The following ASAP1 variants were observed in gnomAD, a reference collection of about 807,000 sequenced individuals.
ASAP1 encodes arf-GAP with SH3 domain, ANK repeat and PH domain-containing protein 1.
ASAP1 carries 43 observed loss-of-function variants against 145.2 expected under a neutral mutation model. That is an observed-to-expected ratio of 0.30 (90% confidence interval 0.23 to 0.38). The LOEUF (loss-of-function observed/expected upper bound fraction) is 0.38, where lower values mean the gene tolerates loss of function less well. ASAP1 is among the 10% of genes least tolerant of loss of function. The pLI is 1.00. For missense variants in ASAP1, 1,018 were observed against 1,355.3 expected, an observed-to-expected ratio of 0.75 and a Z score of 3.91; for synonymous variants, 546 against 515.5, an observed-to-expected ratio of 1.06 and a Z score of -0.80.
At chr8:130,266,847 G>T (rs1417134443) in intron 3 of ASAP1, among the ~76,000 whole-genome samples, 1 of 152,006 alleles carries the variant, frequency 6.6e-6, no homozygotes, top group Non-Finnish European at 1.5e-5. Flanking sequence ...TAAAAAATAT[G>T]TATCAAAGGA....
At chr8:130,300,197 G>A (rs866060785) in intron 3 of ASAP1, among the ~76,000 whole-genome samples, 6 of 148,168 alleles carry the variant, frequency 4.0e-5, no homozygotes, top group Non-Finnish European at 8.9e-5. Flanking sequence ...GCGAGCGAGC[G>A]AGCAGTCAAT....
At chr8:130,403,936 A>G (rs1284615329) in intron 1 of ASAP1, among the ~76,000 whole-genome samples, 1 of 152,086 alleles carries the variant, frequency 6.6e-6, no homozygotes, top group Non-Finnish European at 1.5e-5. Context: ...CTCTGTCTGG[A>G]AGGCTTCCTC....
At chr8:130,277,369 T>C (rs1161661916) in intron 3 of ASAP1, among the ~76,000 whole-genome samples, 4 of 152,208 alleles carry the variant, frequency 2.6e-5, no homozygotes. Flanking sequence ...TAGTTCTTCA[T>C]ATCCAGTGAA....
intron 3 of ASAP1, among the ~76,000 whole-genome samples, chr8:130,304,378 AAAG>A (rs1452427522): frequency 2.1e-4 from 32 of 152,190 alleles, no homozygotes; most frequent in African/African-American, 7.7e-4. Flanking sequence ...CACCCTAAAA[AAAG>A]GAACATCATT....
intron 3 of ASAP1, among the ~76,000 whole-genome samples, chr8:130,280,235 C>T (rs964502888): frequency 2.0e-5 from 3 of 152,184 alleles, no homozygotes; most frequent in Non-Finnish European, 2.9e-5. Flanking sequence ...CCCTTTTCTA[C>T]CTTTACTTCT....
At chr8:130,340,258 G>T (rs1177174888) in intron 3 of ASAP1, among the ~76,000 whole-genome samples, 1 of 152,180 alleles carries the variant, frequency 6.6e-6, no homozygotes, top group Admixed American at 6.5e-5. Flanking sequence ...GAACTTTCTA[G>T]GGAATGAAAA....
intron 26 of ASAP1, among the ~76,000 whole-genome samples, chr8:130,078,447 C>A (rs115540783): frequency 6.6e-6 from 1 of 151,840 alleles, no homozygotes; most frequent in South Asian, 2.1e-4. Context: ...CCACCATACC[C>A]GGCTGATTTT....
chr8:130,380,908 A>G (rs1827736914), intron 2 of ASAP1, among the ~76,000 whole-genome samples: 1 of 151,988 alleles, frequency 6.6e-6, no homozygotes, highest in Admixed American at 6.6e-5. Flanking sequence ...TTATTGAGAC[A>G]GGGTCTCTCT....
chr8:130,358,998 G>A lies in ASAP1; in HGVS notation c.60-855C>T, dbSNP rs891220733. Among the ~76,000 whole-genome samples the A allele has an allele frequency of 2.6e-5, 4 of 152,084 alleles. No homozygotes were observed. The highest frequency in any genetic ancestry group is 9.7e-5 in the African/African-American group (4 of 41,436). ...GGGAGAGCCGCCTTCTACTGCGAGG[G>A]CCGCCGACCCCGCGAAGGAAGCGCT... On this transcript the variant is annotated intron_variant, in intron 2 of 29. Transcript: ENST00000518721. This position sits in a 1 kb window ranked among gnomAD's most constrained non-coding sequence, Gnocchi z 4.1.
At chr8:130,169,941 C>A (rs1031316716) in intron 9 of ASAP1, among the ~76,000 whole-genome samples, 4 of 152,176 alleles carry the variant, frequency 2.6e-5, no homozygotes, top group African/African-American at 9.6e-5. Context: ...ACTCAGGAAC[C>A]CAGTCTCTGA....
At chr8:130,436,556 C>T (rs1830319277) in intron 1 of ASAP1, among the ~76,000 whole-genome samples, 1 of 152,246 alleles carries the variant, frequency 6.6e-6, no homozygotes, top group African/African-American at 2.4e-5. Context: ...AGCAATCCAC[C>T]CGCCTTGGCC....
intron 4 of ASAP1, among the ~76,000 whole-genome samples, chr8:130,215,422 A>T (rs1565098016): frequency 2.0e-5 from 3 of 151,884 alleles, no homozygotes; most frequent in African/African-American, 7.3e-5. Context: ...ACATGGCGAG[A>T]CCCCGTCTCT....
chr8:130,216,083 GA>G (rs1816913091), intron 4 of ASAP1, among the ~76,000 whole-genome samples: 1 of 151,768 alleles, frequency 6.6e-6, no homozygotes, highest in Non-Finnish European at 1.5e-5. Context: ...AAGGGAAAAG[GA>G]AGAAAGAAAC....
intron 3 of ASAP1, among the ~76,000 whole-genome samples, chr8:130,339,960 G>A (rs978516109): frequency 5.3e-5 from 8 of 152,114 alleles, no homozygotes; most frequent in African/African-American, 1.9e-4. Context: ...ACCATACACA[G>A]AGCCAGGCTC....
intron 2 of ASAP1, chr8:130,361,572 A>T: frequency 1.1e-6 from 1 of 937,134 alleles, no homozygotes; most frequent in Non-Finnish European, 1.7e-6. Context: ...TTGGCCAAGA[A>T]AGGAATATGC....
chr8:130,318,709 A>C (rs1823819557), intron 3 of ASAP1, among the ~76,000 whole-genome samples: 1 of 152,206 alleles, frequency 6.6e-6, no homozygotes, highest in Non-Finnish European at 1.5e-5. Context: ...CAAGGCCTTA[A>C]AACTACTACG....
intron 3 of ASAP1, among the ~76,000 whole-genome samples, chr8:130,312,708 G>T (rs992585731): frequency 3.9e-5 from 6 of 152,138 alleles, no homozygotes; most frequent in Non-Finnish European, 1.5e-5. Flanking sequence ...TCCAATGTGG[G>T]GATCTGAACT....
intron 1 of ASAP1, among the ~76,000 whole-genome samples, chr8:130,439,278 T>C (rs998025662): frequency 1.3e-5 from 2 of 152,134 alleles, no homozygotes; most frequent in Non-Finnish European, 2.9e-5. Flanking sequence ...AGGAGTAACA[T>C]CCTCTGCTAA....
At chr8:130,128,169 C>G in intron 15 of ASAP1, 79 bp from the exon 16 acceptor site, 2 of 609,078 alleles carry the variant, frequency 3.3e-6, no homozygotes, top group Non-Finnish European at 4.1e-6. Context: ...TTTTTTGCCA[C>G]TGCAAAAAAA....
Sources: allele counts gnomAD v4.1 joint callset (sites outside exome capture counted in the v4.1 genomes callset), GRCh38; gene constraint gnomAD v4.1.1; non-coding constraint Gnocchi (gnomAD v3.1); transcripts MANE v1.5; gene names NCBI Gene and HGNC (gene_info 2026-07-23, HGNC 2026-07-21).